GALNT13: variants seen among roughly 807,000 people sequenced by gnomAD.
GALNT13 encodes the protein polypeptide N-acetylgalactosaminyltransferase 13.
GALNT13 carries 28 observed loss-of-function variants against 64.2 expected under a neutral mutation model. That is an observed-to-expected ratio of 0.44 (90% CI 0.32 to 0.60). The LOEUF (loss-of-function observed/expected upper bound fraction) is 0.60. Among genes scored for constraint, GALNT13 ranks in the 20% least tolerant of loss-of-function variants. The pLI is 0.05. For missense variants in GALNT13, 577 were observed against 669.8 expected (o/e 0.86, Z 1.53); for synonymous variants, 214 against 224.6 (o/e 0.95, Z 0.42).
intron 3 of GALNT13, among the ~76,000 whole-genome samples, chr2:153,978,316 A>G (rs1393761696): frequency 6.6e-5 from 10 of 152,296 alleles, no homozygotes; most frequent in African/African-American, 2.4e-5. Context: ...ACCTTGAATC[A>G]TCATCTCTAC....
the GALNT13 span, among the ~76,000 whole-genome samples, chr2:153,443,599 A>G: frequency 1.3e-5 from 2 of 152,126 alleles, no homozygotes; most frequent in South Asian, 2.1e-4. Context: ...TCTATTATTT[A>G]TCTTCTATCC....
At chr2:153,129,025 A>C in the GALNT13 span, among the ~76,000 whole-genome samples, 1 of 152,210 alleles carries the variant, frequency 6.6e-6, no homozygotes, top group Non-Finnish European at 1.5e-5. Flanking sequence ...AAACCATATC[A>C]GATAGTGTCC....
the GALNT13 span, among the ~76,000 whole-genome samples, chr2:153,160,761 A>G: frequency 6.6e-6 from 1 of 152,202 alleles, no homozygotes; most frequent in South Asian, 2.1e-4. Context: ...GATTATAAGT[A>G]ATATAGATCC....
the GALNT13 span, among the ~76,000 whole-genome samples, chr2:153,739,226 G>T: frequency 6.6e-6 from 1 of 151,634 alleles, no homozygotes; most frequent in African/African-American, 2.4e-5. Flanking sequence ...TGTGTAACCC[G>T]ACCTCCTCTA....
At chr2:153,179,898 C>T in the GALNT13 span, among the ~76,000 whole-genome samples, 1 of 152,024 alleles carries the variant, frequency 6.6e-6, no homozygotes, top group African/African-American at 2.4e-5. Flanking sequence ...CATAAGGTTA[C>T]TGTATCATTT....
At chr2:154,429,509 T>C (rs1260751713) in intron 11 of GALNT13, among the ~76,000 whole-genome samples, 2 of 152,108 alleles carry the variant, frequency 1.3e-5, no homozygotes, top group Non-Finnish European at 2.9e-5. Context: ...AGAAGAAAAT[T>C]TGAAGCTAGC....
rs114602473 is a variant in GALNT13, at chr2:154,075,628, G to A, written c.143-64709G>A. 6.3e-3 allele frequency among the ~76,000 whole-genome samples: 951 copies of A among 151,720 alleles called. 12 individuals carry two copies. Among genetic ancestry groups the A allele is most frequent in the African/African-American group, 0.022 (892 of 41,476 alleles). ...TTCAATTATAATTTTGAATATATCC[G>A]TAATTCCTTCACAACACGATTAAAA... is the stretch of plus-strand genomic sequence containing the variant. On this transcript the variant is annotated intron_variant, in intron 3 of 12. Coordinates refer to ENST00000392825, the MANE Select transcript of GALNT13 (RefSeq NM_052917.4).
At chr2:153,355,582 A>G in the GALNT13 span, among the ~76,000 whole-genome samples, 5 of 152,222 alleles carry the variant, frequency 3.3e-5, no homozygotes, top group African/African-American at 1.2e-4. Flanking sequence ...ATGGATCAAA[A>G]GTGTGATGGT....
the GALNT13 span, among the ~76,000 whole-genome samples, chr2:153,244,604 T>A: frequency 6.6e-6 from 1 of 152,208 alleles, no homozygotes; most frequent in East Asian, 1.9e-4. Context: ...TAAGGCCAGA[T>A]GCTACGCTTT....
chr2:154,406,098 C>T (rs1231246889), intron 10 of GALNT13, among the ~76,000 whole-genome samples: 2 of 152,110 alleles, frequency 1.3e-5, no homozygotes, highest in Non-Finnish European at 2.9e-5. Flanking sequence ...GACTATTGTT[C>T]CTGGTAAATA....
At chr2:153,886,218 T>C (rs1421256359) in intron 1 of GALNT13, among the ~76,000 whole-genome samples, 1 of 151,948 alleles carries the variant, frequency 6.6e-6, no homozygotes, top group Non-Finnish European at 1.5e-5. Flanking sequence ...ACTCTTTTTT[T>C]TTTAAATTAT....
At chr2:153,836,937 T>C in the GALNT13 span, among the ~76,000 whole-genome samples, 1 of 152,094 alleles carries the variant, frequency 6.6e-6, no homozygotes, top group Non-Finnish European at 1.5e-5. Context: ...TTCAAAGTCT[T>C]TGCTATTGTG....
intron 2 of GALNT13, among the ~76,000 whole-genome samples, chr2:153,923,025 G>A (rs1383701205): frequency 6.6e-6 from 1 of 151,962 alleles, no homozygotes; most frequent in Non-Finnish European, 1.5e-5. Flanking sequence ...TCAGCCTCCT[G>A]AGTAGCTGGG....
chr2:153,574,836 T>C, the GALNT13 span, among the ~76,000 whole-genome samples: 1 of 152,122 alleles, frequency 6.6e-6, no homozygotes, highest in Non-Finnish European at 1.5e-5. Context: ...GTCTGAAGGA[T>C]TGCATATTTC....
chr2:153,300,543 T>C, the GALNT13 span, among the ~76,000 whole-genome samples: 1 of 152,326 alleles, frequency 6.6e-6, no homozygotes, highest in African/African-American at 2.4e-5. Flanking sequence ...TAAGCAAATA[T>C]TTTGAGTTTT....
the GALNT13 span, among the ~76,000 whole-genome samples, chr2:153,722,960 C>T: frequency 6.6e-6 from 1 of 151,848 alleles, no homozygotes; most frequent in Non-Finnish European, 1.5e-5. Flanking sequence ...TTTATGAGGC[C>T]AGCATCATTC....
the GALNT13 span, among the ~76,000 whole-genome samples, chr2:153,363,575 T>G: frequency 1.1e-4 from 17 of 152,002 alleles, no homozygotes; most frequent in Non-Finnish European, 4.4e-5. Context: ...CCAACAGAAA[T>G]AGACACTACC....
the GALNT13 span, among the ~76,000 whole-genome samples, chr2:153,495,418 GA>G: frequency 6.6e-6 from 1 of 152,072 alleles, no homozygotes; most frequent in Non-Finnish European, 1.5e-5. Flanking sequence ...TTTGTCCACA[GA>G]AAAATGTATC....
chr2:154,434,035 G>T (rs971466154), intron 11 of GALNT13, among the ~76,000 whole-genome samples: 1 of 152,144 alleles, frequency 6.6e-6, no homozygotes, highest in Non-Finnish European at 1.5e-5. Flanking sequence ...AAGGAAGACC[G>T]TGTGAAGACA....
Sources: gnomAD v4.1 joint callset for allele counts (sites outside exome capture counted in the v4.1 genomes callset) on GRCh38, gnomAD v4.1.1 for gene constraint, MANE v1.5 for transcripts, NCBI Gene and HGNC (gene_info 2026-07-23, HGNC 2026-07-21) for gene names.